CPNE4: variants seen among roughly 807,000 people sequenced by gnomAD.
CPNE4 encodes the protein copine 4.
CPNE4 carries 25 observed loss-of-function variants against 67.9 expected under a neutral mutation model. The ratio of observed to expected loss-of-function variants is 0.37; its 90% confidence interval spans 0.27 to 0.51. CPNE4 has a LOEUF of 0.51. Ranked by LOEUF, CPNE4 falls within the 20% of genes least tolerant of loss-of-function variation. CPNE4 has a pLI of 0.93. For missense variants in CPNE4, 464 were observed against 690.8 expected, an observed-to-expected ratio of 0.67 and a Z score of 3.68; for synonymous variants, 242 against 244.9, an observed-to-expected ratio of 0.99 and a Z score of 0.11.
intron 10 of CPNE4, among the ~76,000 whole-genome samples, chr3:131,569,415 A>G (rs894574270): frequency 1.3e-5 from 2 of 151,926 alleles, no homozygotes; most frequent in African/African-American, 4.8e-5. Flanking sequence ...TGAAAGTATA[A>G]CTTGAGGCCA....
intron 2 of CPNE4, among the ~76,000 whole-genome samples, chr3:131,794,372 G>A (rs1044610682): frequency 1.1e-4 from 17 of 152,080 alleles, no homozygotes; most frequent in African/African-American, 4.1e-4. Flanking sequence ...AGCCTCCTGA[G>A]TAGTTGGCAC....
chr3:131,774,229 C>T (rs1270157694), intron 2 of CPNE4, among the ~76,000 whole-genome samples: 1 of 151,742 alleles, frequency 6.6e-6, no homozygotes, highest in Non-Finnish European at 1.5e-5. Flanking sequence ...GGCCTTTTGT[C>T]AGTGACTGAT....
At chr3:131,704,319 G>T (rs915872890) in intron 3 of CPNE4, among the ~76,000 whole-genome samples, 1 of 152,186 alleles carries the variant, frequency 6.6e-6, no homozygotes, top group Non-Finnish European at 1.5e-5. Flanking sequence ...ATGGAAGTGG[G>T]GAGGTAGTCA....
At chr3:132,037,677 G>A, upstream of CPNE4, 1 of 1,379,166 alleles carries the variant, frequency 7.3e-7, no homozygotes, top group Non-Finnish European at 1.0e-6. Flanking sequence ...TGCAAAGGAA[G>A]CTTCAGCTCT....
intron 7 of CPNE4, among the ~76,000 whole-genome samples, chr3:131,628,586 G>A (rs1181904386): frequency 5.3e-5 from 8 of 152,216 alleles, no homozygotes; most frequent in Non-Finnish European, 1.0e-4. Flanking sequence ...CCTGTTATTG[G>A]TCTATTCAGG....
intron 3 of CPNE4, among the ~76,000 whole-genome samples, chr3:131,702,256 C>T (rs939298221): frequency 6.6e-6 from 1 of 152,146 alleles, no homozygotes; most frequent in Non-Finnish European, 1.5e-5. Context: ...TTAAGGAGTA[C>T]ATATTATGTT....
At chr3:131,785,364 T>C (rs2083530554) in intron 2 of CPNE4, among the ~76,000 whole-genome samples, 1 of 152,134 alleles carries the variant, frequency 6.6e-6, no homozygotes. Flanking sequence ...TTCTTCCAGA[T>C]ACCGGCTTCA....
chr3:131,543,164 T>TTA (rs1222833347), intron 14 of CPNE4: 2 of 176,712 alleles, frequency 1.1e-5, no homozygotes, highest in African/African-American at 4.7e-5. Context: ...ACCCAATAAT[T>TTA]TATATGATCT....
chr3:131,615,889 TCTCACACA>T (rs1432154610), intron 7 of CPNE4, among the ~76,000 whole-genome samples: 15 of 100,324 alleles, frequency 1.5e-4, no homozygotes, highest in African/African-American at 8.8e-4. Flanking sequence ...CATCTCTCTC[TCTCACACA>T]CACACACACA....
intron 1 of CPNE4, among the ~76,000 whole-genome samples, chr3:131,938,534 G>A (rs4854860): frequency 0.18 from 26,648 of 151,988 alleles, 2,651 homozygotes; most frequent in East Asian, 0.31. Flanking sequence ...AGGTTTAATT[G>A]ACTCATAGTT....
chr3:131,766,226 C>G (rs2083009505), intron 2 of CPNE4, among the ~76,000 whole-genome samples: 1 of 152,120 alleles, frequency 6.6e-6, no homozygotes, highest in South Asian at 2.1e-4. Flanking sequence ...GTTTTCTCAT[C>G]TGTAAAATGA....
At chr3:131,854,775 CT>C (rs2086372552) in intron 2 of CPNE4, among the ~76,000 whole-genome samples, 1 of 151,550 alleles carries the variant, frequency 6.6e-6, no homozygotes. Flanking sequence ...TTTATTCCCT[CT>C]CCTCTTTCAT....
At chr3:132,003,312 A>C (rs1486204553) in intron 1 of CPNE4, among the ~76,000 whole-genome samples, 1 of 151,784 alleles carries the variant, frequency 6.6e-6, no homozygotes. Flanking sequence ...ACAGAGAGGA[A>C]CTCCTCAGCT....
intron 6 of CPNE4, among the ~76,000 whole-genome samples, chr3:131,671,459 ATGTG>A (rs58195413): frequency 0.4 from 52,106 of 131,114 alleles, 10,302 homozygotes; most frequent in Non-Finnish European, 0.53. Flanking sequence ...GAGTGTACAC[ATGTG>A]TGTGTGTGTG....
At chr3:131,817,738 AAATGATGTT>A in intron 2 of CPNE4, among the ~76,000 whole-genome samples, 1 of 152,192 alleles carries the variant, frequency 6.6e-6, no homozygotes, top group Non-Finnish European at 1.5e-5. Context: ...ACGAAACATA[AAATGATGTT>A]ACTGATGTTC....
intron 2 of CPNE4, among the ~76,000 whole-genome samples, chr3:131,743,928 A>AGT (rs2082415447): frequency 8.3e-6 from 1 of 120,282 alleles, no homozygotes; most frequent in African/African-American, 3.0e-5. Flanking sequence ...GCGCCACTGC[A>AGT]CTCCAGCCTG....
intron 2 of CPNE4, among the ~76,000 whole-genome samples, chr3:131,872,185 T>C (rs1221496535): frequency 7.2e-5 from 11 of 151,870 alleles, no homozygotes; most frequent in Non-Finnish European, 1.3e-4. Flanking sequence ...TGTGTGCGTG[T>C]GTGTGTGTGT....
At chr3:131,545,738 A>G (rs1249220825) in intron 14 of CPNE4, among the ~76,000 whole-genome samples, 5 of 152,178 alleles carry the variant, frequency 3.3e-5, no homozygotes, top group African/African-American at 9.7e-5. Context: ...TAATTGGTTT[A>G]CTTTATAATA....
chr3:131,982,251 G>A lies in CPNE4; in HGVS notation c.-2+52316C>T, dbSNP rs77827137. On this transcript the variant is annotated intron_variant, in intron 1 of 15. Coordinates refer to ENST00000429747, the MANE Select transcript of CPNE4 (RefSeq NM_130808.3). ...TATGCATTCAGATCTCTTAACAGATGAGCCATTTTAAACTGGTTAAAAAAT... is the reference window on the plus strand; with the variant it reads ...TATGCATTCAGATCTCTTAACAGATAAGCCATTTTAAACTGGTTAAAAAAT... 8.0e-3 allele frequency among the ~76,000 whole-genome samples: 1,219 copies of A among 152,282 alleles called. 13 individuals carry two copies. The highest frequency in any genetic ancestry group is 0.028 in the African/African-American group (1,160 of 41,548).
Sources: allele counts gnomAD v4.1 joint callset (sites outside exome capture counted in the v4.1 genomes callset), GRCh38; gene constraint gnomAD v4.1.1; transcripts MANE v1.5; gene names NCBI Gene and HGNC (gene_info 2026-07-23, HGNC 2026-07-21).